Variants in FAM162A observed in about 807,000 individuals in gnomAD.
FAM162A encodes family with sequence similarity 162 member A, also known as protein FAM162A.
FAM162A carries 23 observed loss-of-function variants against 21.8 expected under a neutral mutation model. That is an observed-to-expected ratio of 1.05 (90% CI 0.76 to 1.49). The LOEUF (loss-of-function observed/expected upper bound fraction) is 1.49, where lower values mean the gene tolerates loss of function less well. FAM162A is among the 40% of genes most tolerant of loss of function. The probability of loss-of-function intolerance (pLI) is 0.00; values close to 1 mark genes in which losing one functional copy is unlikely to be tolerated. For missense variants in FAM162A, 165 were observed against 186.4 expected, an observed-to-expected ratio of 0.89 and a Z score of 0.67; for synonymous variants, 53 against 61.3, an observed-to-expected ratio of 0.86 and a Z score of 0.64.
chr3:122,386,269 C>T (rs760911541), intron 1 of FAM162A, among the ~76,000 whole-genome samples: 5 of 152,128 alleles, frequency 3.3e-5, no homozygotes, highest in Non-Finnish European at 4.4e-5. Context: ...GAAATGTAGG[C>T]TCAATGTGGT....
intron 1 of FAM162A, among the ~76,000 whole-genome samples, chr3:122,390,802 A>G (rs2075600968): frequency 6.6e-6 from 1 of 152,158 alleles, no homozygotes; most frequent in Admixed American, 6.5e-5. Context: ...ATTTCGATAG[A>G]TAAAAAAGTT....
At chr3:122,397,281 C>T (rs1359836334) in intron 1 of FAM162A, among the ~76,000 whole-genome samples, 2 of 151,932 alleles carry the variant, frequency 1.3e-5, no homozygotes, top group Non-Finnish European at 2.9e-5. Flanking sequence ...GCCTCTGTAA[C>T]CATATTTTAC....
chr3:122,402,782 AAG>A lies in FAM162A; in HGVS notation c.61_62del (p.Asp21CysfsTer12). 6.4e-7 allele frequency: 1 copy of A among 1,566,782 alleles called. No individual in the cohort carries two copies. The highest frequency in any genetic ancestry group is 8.6e-7 in the Non-Finnish European group (1 of 1,158,644). On this transcript the variant is annotated frameshift_variant, in exon 2 of 5. Transcript: ENST00000477892. LOFTEE classifies it high-confidence loss of function. ...AAGSCFRLCE[R>X]DVSSSLRLTR... ...TAGGAAGCTGTTTTAGGTTATGTGA[AAG>A]AGATGTTTCCTCATCTCTAAGGCTT...
intron 4 of FAM162A, among the ~76,000 whole-genome samples, chr3:122,408,816 A>G (rs1438564013): frequency 1.3e-5 from 2 of 152,194 alleles, no homozygotes; most frequent in Non-Finnish European, 2.9e-5. Context: ...TTCTAGCATC[A>G]TCCAGGGGTA....
In FAM162A at chr3:122,402,773, G is replaced by T. The variant is rs749708701; in HGVS notation, c.48G>T (p.Arg16Ser). The change falls in exon 2 of 5, where the codon AGG (arginine) becomes AGT (serine). Residue 16 changes from arginine (R) to serine (S), a missense_variant. By Grantham distance (110) the Arg-to-Ser change is moderately radical. Transcript: ENST00000477892. ...TCTCTTTTTTAGGAAGCTGTTTTAG[G>T]TTATGTGAAAGAGATGTTTCCTCAT... ...GLRLAAGSCF[R>S]LCERDVSSSL... is the part of the protein sequence containing the mutation. The T allele has an allele frequency of 3.2e-6, 5 of 1,551,182 alleles. No homozygotes were observed. The highest frequency in any genetic ancestry group is 4.3e-6 in the Non-Finnish European group (5 of 1,151,314).
At chr3:122,398,429 AAGAC>A (rs1216178502) in intron 1 of FAM162A, among the ~76,000 whole-genome samples, 4 of 152,234 alleles carry the variant, frequency 2.6e-5, no homozygotes, top group African/African-American at 9.6e-5. Flanking sequence ...GTGGCATAAT[AAGAC>A]AGACACAATA....
intron 1 of FAM162A, among the ~76,000 whole-genome samples, chr3:122,400,975 A>G (rs775484658): frequency 3.3e-5 from 5 of 152,210 alleles, no homozygotes; most frequent in Non-Finnish European, 5.9e-5. Context: ...ATATCTTAAT[A>G]TCTTAAATAT....
intron 1 of FAM162A, among the ~76,000 whole-genome samples, chr3:122,390,315 G>A (rs918321552): frequency 5.9e-5 from 9 of 152,106 alleles, no homozygotes; most frequent in Non-Finnish European, 7.4e-5. Flanking sequence ...ATGAGAAAAC[G>A]GATATAGGGA....
At chr3:122,407,032 T>C (rs1365170470) in intron 3 of FAM162A, among the ~76,000 whole-genome samples, 1 of 152,144 alleles carries the variant, frequency 6.6e-6, no homozygotes, top group Non-Finnish European at 1.5e-5. Context: ...GACTTCTCTT[T>C]TTGTTTTCTT....
chr3:122,402,731 T>G (rs780685971), intron 1 of FAM162A, 29 bp from the exon 2 acceptor site: 1 of 1,501,476 alleles, frequency 6.7e-7, no homozygotes, highest in South Asian at 1.4e-5. Flanking sequence ...TTTCTTTCTT[T>G]CTTTGAAACA....
Position 122,410,637 on chromosome 3 carries a change from C to T in FAM162A, c.*806C>T, listed in dbSNP as rs1347684234. 1 of 152,198 alleles carries T rather than the reference C, an allele frequency of 6.6e-6. No individual in the cohort carries two copies. Among genetic ancestry groups the T allele is most frequent in the East Asian group, 1.9e-4 (1 of 5,206 alleles). The allele number at this position is 152,198 out of a possible 1,614,324, so 9.4% of individuals were successfully genotyped here. ...TATGAATACAGGTTTCTATTTTAAACATTGATTCTCACATGCTTCTTAATT... is the reference window on the plus strand; with the variant it reads ...TATGAATACAGGTTTCTATTTTAAATATTGATTCTCACATGCTTCTTAATT... On this transcript the variant is annotated 3_prime_UTR_variant, in exon 5 of 5. Coordinates refer to ENST00000477892, the MANE Select transcript of FAM162A (RefSeq NM_014367.4).
intron 2 of FAM162A, among the ~76,000 whole-genome samples, chr3:122,403,428 A>C (rs1437971277): frequency 2.0e-5 from 3 of 152,222 alleles, no homozygotes; most frequent in African/African-American, 7.2e-5. Flanking sequence ...ATTATGTTTT[A>C]AAGAACTCTA....
In FAM162A at chr3:122,410,268, A is replaced by G; in HGVS notation, c.*437A>G. The G allele has an allele frequency of 4.0e-6, 1 of 253,126 alleles. No individual in the cohort carries two copies. Among genetic ancestry groups the G allele is most frequent in the Admixed American group, 5.2e-5 (1 of 19,336 alleles). The allele number at this position is 253,126 out of a possible 1,614,324, so 15.7% of individuals were successfully genotyped here. A position where few individuals can be genotyped will look rare whatever the true frequency, so the allele number is the denominator to read the frequency against. ...GTACTGGTGGGGAGGCTGCCCCCTA[A>G]TAGAGCGAGCGCTGAGAAGCAGCCA... On this transcript the variant is annotated 3_prime_UTR_variant, in exon 5 of 5. Coordinates refer to ENST00000477892, the MANE Select transcript of FAM162A (RefSeq NM_014367.4).
At chr3:122,384,560 T>C (rs1231217518) in intron 1 of FAM162A, among the ~76,000 whole-genome samples, 4 of 151,854 alleles carry the variant, frequency 2.6e-5, no homozygotes, top group African/African-American at 7.3e-5. Flanking sequence ...CGCCTACCCT[T>C]CTCCCCACCC....
At chr3:122,407,037 TTTC>T (rs984561351) in intron 3 of FAM162A, among the ~76,000 whole-genome samples, 2 of 151,986 alleles carry the variant, frequency 1.3e-5, no homozygotes, top group East Asian at 1.9e-4. Context: ...CTCTTTTTGT[TTTC>T]TTCTTTTGTA....
intron 1 of FAM162A, 107 bp downstream of exon 1, chr3:122,384,406 C>A: frequency 7.5e-7 from 1 of 1,333,528 alleles, no homozygotes; most frequent in Non-Finnish European, 1.0e-6. Flanking sequence ...TTCCATGACG[C>A]ACTTTCTCGG....
intron 3 of FAM162A, among the ~76,000 whole-genome samples, chr3:122,406,275 A>G (rs1177861255): frequency 6.6e-6 from 1 of 152,198 alleles, no homozygotes; most frequent in African/African-American, 2.4e-5. Context: ...AGGTAACAGA[A>G]TCGTGACCAC....
At chr3:122,384,400 A>T in intron 1 of FAM162A, 101 bp downstream of exon 1, 1 of 1,364,584 alleles carries the variant, frequency 7.3e-7, no homozygotes, top group Non-Finnish European at 1.0e-6. Flanking sequence ...GCTCCATTCC[A>T]TGACGCACTT....
rs1245678661 is a variant in FAM162A at position 122,411,976 on chromosome 3, C to G, written c.*2145C>G. 1 of 152,202 alleles carries G rather than the reference C, an allele frequency of 6.6e-6. No homozygotes were observed. Among genetic ancestry groups the G allele is most frequent in the African/African-American group, 2.4e-5 (1 of 41,450 alleles). 9.4% of individuals were successfully genotyped at this position (152,202 alleles called of 1,614,324 possible). On this transcript the variant is annotated 3_prime_UTR_variant, in exon 5 of 5. Coordinates refer to ENST00000477892, the MANE Select transcript of FAM162A (RefSeq NM_014367.4). ...ATTTGATAACATATAGTGACTATCT[C>G]TTTATGGGTTAAATATCAGTTTCTT... is the stretch of plus-strand genomic sequence containing the variant.
Sources: allele counts gnomAD v4.1 joint callset (sites outside exome capture counted in the v4.1 genomes callset), GRCh38; gene constraint gnomAD v4.1.1; transcripts MANE v1.5; gene names NCBI Gene and HGNC (gene_info 2026-07-23, HGNC 2026-07-21).